The following E2F3 variants were observed in gnomAD, a reference collection of about 807,000 sequenced individuals.
The protein encoded by E2F3 is transcription factor E2F3.
In E2F3, 11 loss-of-function variants were observed where a neutral mutation model predicts 44.4. That is an observed-to-expected ratio of 0.25 (90% confidence interval 0.16 to 0.41). The LOEUF is 0.41. Among genes scored for constraint, E2F3 ranks in the 10% least tolerant of loss-of-function variants. The pLI is 1.00. For missense variants in E2F3, 487 were observed against 583.6 expected, an observed-to-expected ratio of 0.83 and a Z score of 1.70; for synonymous variants, 249 against 253.0, an observed-to-expected ratio of 0.98 and a Z score of 0.15.
In E2F3 at chr6:20,486,681, C is replaced by G. The variant is rs779107512; in HGVS notation, c.885-8C>G. The G allele has an allele frequency of 1.2e-5, 17 of 1,447,468 alleles. No homozygotes were observed. The South Asian group carries it at 1.5e-4, about 13-fold the overall frequency. 89.7% of individuals were successfully genotyped at this position (1,447,468 alleles called of 1,614,324 possible). A position where few individuals can be genotyped will look rare whatever the true frequency, so the allele number is the denominator to read the frequency against. On this transcript the variant is annotated splice_polypyrimidine_tract_variant and splice_region_variant and intron_variant, in intron 4 of 6. Coordinates refer to ENST00000346618, the MANE Select transcript of E2F3 (RefSeq NM_001949.5). ...TAATTAGATGGAAGATTCCTTGACACTCTTTACGTTAGCTTATGTTACATA... is the reference window on the plus strand; with the variant it reads ...TAATTAGATGGAAGATTCCTTGACAGTCTTTACGTTAGCTTATGTTACATA...
rs761912445 is a variant in E2F3 at position 20,492,367 on chromosome 6, T to A, written c.*1937T>A. 6.4e-5 allele frequency: 15 copies of A among 233,360 alleles called. No homozygotes were observed. The highest frequency in any genetic ancestry group is 1.3e-4 in the Non-Finnish European group (15 of 117,864). 14.5% of individuals were successfully genotyped at this position (233,360 alleles called of 1,614,324 possible). On this transcript the variant is annotated 3_prime_UTR_variant, in exon 7 of 7. Coordinates refer to ENST00000346618, the MANE Select transcript of E2F3 (RefSeq NM_001949.5). ...AGCCTCCATCCCTGGCCTCCTCCCC[T>A]CACACACACTGGACTTGGTACAAAA...
chr6:20,406,360 C>CTATT (rs1759493091), intron 1 of E2F3, among the ~76,000 whole-genome samples: 1 of 152,188 alleles, frequency 6.6e-6, no homozygotes, highest in Admixed American at 6.5e-5. Context: ...TGCATGTGAA[C>CTATT]TATTTAGCAC....
intron 1 of E2F3, among the ~76,000 whole-genome samples, chr6:20,429,903 T>C (rs1002412406): frequency 6.6e-6 from 1 of 152,122 alleles, no homozygotes; most frequent in African/African-American, 2.4e-5. Context: ...TTTTATTAAA[T>C]ATTAAATAAA....
At chr6:20,448,082 G>A (rs962232063) in intron 1 of E2F3, among the ~76,000 whole-genome samples, 2 of 152,162 alleles carry the variant, frequency 1.3e-5, no homozygotes, top group Non-Finnish European at 2.9e-5. Flanking sequence ...TGATATGAAA[G>A]GTTTTTTACT....
In E2F3 at chr6:20,402,382, T is replaced by C. The variant is rs571431012; in HGVS notation, c.150T>C (p.Ala50=). ...ASPGFAAAAA[A]AAAPGAYIQI... The stretch of plus-strand genomic sequence containing the variant: ...CCGGCTTCGCCGCCGCCGCCGCCGC[T>C]GCCGCCGCCCCGGGCGCGTACATCC... The change falls in exon 1 of 7, where the codon GCT becomes GCC. Residue 50 remains alanine (A), a synonymous_variant. Coordinates refer to ENST00000346618, the MANE Select transcript of E2F3 (RefSeq NM_001949.5). The surrounding 1 kb of genome is among the most constrained non-coding windows in gnomAD (Gnocchi z 5.6). 1.4e-5 allele frequency: 23 copies of C among 1,604,202 alleles called. No homozygotes were observed. The highest frequency in any genetic ancestry group is 2.3e-5 in the East Asian group (1 of 44,020).
At chr6:20,441,668 G>A (rs1341591923) in intron 1 of E2F3, among the ~76,000 whole-genome samples, 2 of 151,658 alleles carry the variant, frequency 1.3e-5, no homozygotes, top group Non-Finnish European at 1.5e-5. Flanking sequence ...TCCACCTCCT[G>A]GGTTCAAGCG....
At chr6:20,460,734 G>A (rs942942645) in intron 1 of E2F3, among the ~76,000 whole-genome samples, 1 of 151,804 alleles carries the variant, frequency 6.6e-6, no homozygotes, top group East Asian at 1.9e-4. Flanking sequence ...GGTGGCTCAC[G>A]CCCGTAATCC....
intron 1 of E2F3, among the ~76,000 whole-genome samples, chr6:20,416,136 T>C (rs1446121446): frequency 6.6e-6 from 1 of 152,248 alleles, no homozygotes; most frequent in Non-Finnish European, 1.5e-5. Context: ...GGCCATGTGC[T>C]AAACACTCTG....
chr6:20,419,078 C>T (rs1039229558), intron 1 of E2F3, among the ~76,000 whole-genome samples: 15 of 152,196 alleles, frequency 9.9e-5, no homozygotes, highest in African/African-American at 3.4e-4. Context: ...AAGTGCACAT[C>T]GTGGCTTGCC....
chr6:20,472,891 A>G (rs1761938760), intron 1 of E2F3, among the ~76,000 whole-genome samples: 1 of 152,226 alleles, frequency 6.6e-6, no homozygotes, highest in Non-Finnish European at 1.5e-5. Context: ...ATACAATATT[A>G]TGCAGCTATG....
rs993466309 is a variant in E2F3 at position 20,491,441 on chromosome 6, C to A, written c.*1011C>A. On this transcript the variant is annotated 3_prime_UTR_variant, in exon 7 of 7. Transcript: ENST00000346618. The stretch of plus-strand genomic sequence containing the variant: ...CTTTGTCCCATCGTGCTTCCATTCC[C>A]AGGAGGGGGAGCTTGGAGCGAGTCA... 3.6e-5 allele frequency: 8 copies of A among 224,404 alleles called. No homozygotes were observed. Among genetic ancestry groups the A allele is most frequent in the Non-Finnish European group, 5.3e-5 (6 of 112,280 alleles). 13.9% of individuals were successfully genotyped at this position (224,404 alleles called of 1,614,324 possible).
In E2F3 at chr6:20,491,236, A is replaced by C; in HGVS notation, c.*806A>C. 4.3e-6 allele frequency: 1 copy of C among 232,104 alleles called. No homozygotes were observed. The highest frequency in any genetic ancestry group is 1.8e-4 in the South Asian group (1 of 5,504). 14.4% of individuals were successfully genotyped at this position (232,104 alleles called of 1,614,324 possible). A position where few individuals can be genotyped will look rare whatever the true frequency, so the allele number is the denominator to read the frequency against. On this transcript the variant is annotated 3_prime_UTR_variant, in exon 7 of 7. Coordinates refer to ENST00000346618, the MANE Select transcript of E2F3 (RefSeq NM_001949.5). ...CTTAGTTCTTTGTGGATTGTTCTAG[A>C]CTTTTAATTTTTTTAGCTGCCATTT...
chr6:20,461,157 A>G (rs1393953822), intron 1 of E2F3, among the ~76,000 whole-genome samples: 4 of 152,054 alleles, frequency 2.6e-5, no homozygotes, highest in African/African-American at 7.2e-5. Context: ...AACATTTCAG[A>G]TGCAAAAGAT....
chr6:20,459,754 G>A (rs945298802), intron 1 of E2F3, among the ~76,000 whole-genome samples: 6 of 152,108 alleles, frequency 3.9e-5, no homozygotes, highest in Admixed American at 2.0e-4. Context: ...ACCAGCCTGG[G>A]CAATGTGGTG....
intron 1 of E2F3, among the ~76,000 whole-genome samples, chr6:20,450,236 T>G (rs1315283548): frequency 6.6e-6 from 1 of 152,170 alleles, no homozygotes; most frequent in South Asian, 2.1e-4. Flanking sequence ...AATTTATACT[T>G]CCACCAACAA....
rs146722690 is a variant in E2F3 at position 20,417,873 on chromosome 6, C to T, written c.393+15248C>T. On this transcript the variant is annotated intron_variant, in intron 1 of 6. Transcript: ENST00000346618. ...GTGGTTCTATTCGAAAAATATCTCT[C>T]TGACCATCGGTGGGCATTTCCTCTC... Among the ~76,000 whole-genome samples, 48 of 152,282 alleles carry T rather than the reference C, an allele frequency of 3.2e-4. 1 individual carries two copies. The East Asian group carries it at 9.1e-3, about 29-fold the overall frequency.
chr6:20,415,579 C>T (rs1759819311), intron 1 of E2F3, among the ~76,000 whole-genome samples: 1 of 152,194 alleles, frequency 6.6e-6, no homozygotes, highest in Non-Finnish European at 1.5e-5. Context: ...AGCTGAGAAC[C>T]ACCGAACTAG....
chr6:20,408,242 C>G (rs1473836150), intron 1 of E2F3, among the ~76,000 whole-genome samples: 2 of 152,070 alleles, frequency 1.3e-5, no homozygotes, highest in Admixed American at 6.5e-5. Context: ...CAGAAAGTGA[C>G]GAGGAAAATG....
chr6:20,424,849 G>T (rs1363385537), intron 1 of E2F3, among the ~76,000 whole-genome samples: 3 of 152,186 alleles, frequency 2.0e-5, no homozygotes, highest in African/African-American at 7.2e-5. Context: ...TGATGAAGCA[G>T]TTTGTCCAAG....
Sources: gnomAD v4.1 joint callset for allele counts (sites outside exome capture counted in the v4.1 genomes callset) on GRCh38, gnomAD v4.1.1 for gene constraint, Gnocchi (gnomAD v3.1) non-coding constraint, MANE v1.5 for transcripts, NCBI Gene and HGNC (gene_info 2026-07-23, HGNC 2026-07-21) for gene names.